The following PDE3A variants were observed in gnomAD, a reference collection of about 807,000 sequenced individuals.
The protein encoded by PDE3A is phosphodiesterase 3A, also known as cGMP-inhibited 3',5'-cyclic phosphodiesterase 3A.
Under a neutral mutation model 98.3 loss-of-function variants are expected in PDE3A, and 43 were observed. The ratio of observed to expected loss-of-function variants is 0.44; its 90% CI spans 0.34 to 0.56. PDE3A has a LOEUF of 0.56. PDE3A is among the 20% of genes least tolerant of loss of function. PDE3A has a pLI of 0.01. For synonymous variants in PDE3A, 663 were observed against 567.9 expected, an observed-to-expected ratio of 1.17 and a Z score of -2.38; for missense variants, 1,427 against 1,440.7, an observed-to-expected ratio of 0.99 and a Z score of 0.15.
At chr12:20,579,702 G>A (rs1943020806) in intron 2 of PDE3A, among the ~76,000 whole-genome samples, 1 of 152,158 alleles carries the variant, frequency 6.6e-6, no homozygotes, top group Non-Finnish European at 1.5e-5. Context: ...ATACTTCACA[G>A]CAACAGCCCA....
chr12:20,630,881 A>G lies in PDE3A; in HGVS notation c.1760+754A>G, dbSNP rs112486634. Among the ~76,000 whole-genome samples the G allele has an allele frequency of 3.3e-5, 5 of 152,302 alleles. 1 individual carries two copies. Among genetic ancestry groups the G allele is most frequent in the African/African-American group, 1.2e-4 (5 of 41,582 alleles). Reference sequence around the variant, plus strand: ...GTTTTTAACTATGAGAGTACCTTGAATAAAACAGTATTTCATTTCTGAGGT... The same window carrying G: ...GTTTTTAACTATGAGAGTACCTTGAGTAAAACAGTATTTCATTTCTGAGGT... On this transcript the variant is annotated intron_variant, in intron 6 of 15. Coordinates refer to ENST00000359062, the MANE Select transcript of PDE3A (RefSeq NM_000921.5).
intron 7 of PDE3A, among the ~76,000 whole-genome samples, chr12:20,634,552 C>T (rs1592133320): frequency 2.6e-5 from 4 of 152,010 alleles, no homozygotes; most frequent in East Asian, 3.9e-4. Context: ...CTCACGTGCC[C>T]GTTCTAGAGT....
intron 1 of PDE3A, among the ~76,000 whole-genome samples, chr12:20,403,437 C>T (rs954803157): frequency 3.3e-5 from 5 of 152,102 alleles, no homozygotes; most frequent in African/African-American, 4.8e-5. Flanking sequence ...TATTTATTCA[C>T]AGTTGTAGTC....
At chr12:20,535,378 T>A (rs76992475) in intron 1 of PDE3A, among the ~76,000 whole-genome samples, 1,550 of 152,284 alleles carry the variant, frequency 0.01, 33 homozygotes, top group African/African-American at 0.035. Context: ...CCCATTCATA[T>A]GTGGAGGAAT....
intron 8 of PDE3A, among the ~76,000 whole-genome samples, chr12:20,636,293 C>G (rs1219751591): frequency 6.6e-6 from 1 of 152,130 alleles, no homozygotes; most frequent in African/African-American, 2.4e-5. Context: ...TGGTAGAAAA[C>G]TGTTGACTCT....
At chr12:20,411,420 C>T (rs1944330477) in intron 1 of PDE3A, among the ~76,000 whole-genome samples, 1 of 152,038 alleles carries the variant, frequency 6.6e-6, no homozygotes, top group African/African-American at 2.4e-5. Flanking sequence ...TTGTGACTAG[C>T]TTATTTTACT....
rs951830049 is a variant in PDE3A, at chr12:20,489,192, A to G, written c.961-67468A>G. ...TTTCTCTTAGTCATTTCTTTCCTTC[A>G]TTAAGGACTTCGTATTTTATTTTCA... On this transcript the variant is annotated intron_variant, in intron 1 of 15. Transcript: ENST00000359062. Among the ~76,000 whole-genome samples, 32 of 152,246 alleles carry G rather than the reference A, an allele frequency of 2.1e-4. No homozygotes were observed. The Middle Eastern group carries it at 0.01, about 49-fold the overall frequency.
At chr12:20,640,512 CAT>C (rs1053083055) in intron 10 of PDE3A, among the ~76,000 whole-genome samples, 1 of 151,842 alleles carries the variant, frequency 6.6e-6, no homozygotes, top group Non-Finnish European at 1.5e-5. Context: ...ATAGAAAAGA[CAT>C]ATGGAAGTGG....
chr12:20,496,598 G>T (rs535589833), intron 1 of PDE3A, among the ~76,000 whole-genome samples: 11 of 151,416 alleles, frequency 7.3e-5, no homozygotes, highest in Admixed American at 5.3e-4. Context: ...TCCATACTAA[G>T]AATTTATTTT....
rs142207520 is a variant in PDE3A at position 20,678,097 on chromosome 12, T to G, written c.3185-1933T>G. Among the ~76,000 whole-genome samples, 28 of 152,242 alleles carry G rather than the reference T, an allele frequency of 1.8e-4. 1 individual carries two copies. The East Asian group carries it at 5.2e-3, about 29-fold the overall frequency. ...CTCTGAAGCAATGCCATCACATGAT[T>G]TCCAGGCAGCTCTCTGTATCAGTTT... On this transcript the variant is annotated intron_variant, in intron 15 of 15. Transcript: ENST00000359062.
intron 1 of PDE3A, among the ~76,000 whole-genome samples, chr12:20,438,779 A>G (rs1395428815): frequency 7.0e-6 from 1 of 142,250 alleles, no homozygotes; most frequent in Non-Finnish European, 1.5e-5. Context: ...TTTTTTTTTG[A>G]GATGGAGTCT....
At position 20,616,502 on chromosome 12, in the gene PDE3A, A is replaced by G. The variant is rs1944011334; in HGVS notation, c.1424+118A>G. The G allele has an allele frequency of 9.2e-6, 8 of 871,976 alleles. No homozygotes were observed. In the East Asian group the frequency reaches 2.1e-4, roughly 23 times the overall value. 54.0% of individuals were successfully genotyped at this position (871,976 alleles called of 1,614,324 possible). On this transcript the variant is annotated intron_variant, in intron 4 of 15. Transcript: ENST00000359062. ...TACATTTGGTTGGAGGTCAGCTTTG[A>G]AGATGGAAAGGGTACATGGTTCAAA... is the stretch of plus-strand genomic sequence containing the variant.
chr12:20,610,243 C>CAGACAT (rs1338055905), intron 2 of PDE3A, among the ~76,000 whole-genome samples: 34 of 152,066 alleles, frequency 2.2e-4, no homozygotes, highest in Non-Finnish European at 3.1e-4. Context: ...AGGACATGAA[C>CAGACAT]AGACATTTCT....
chr12:20,370,225 C>T lies in PDE3A; in HGVS notation c.941C>T (p.Pro314Leu). Residue 314 changes from proline to leucine, a missense_variant, in exon 1 of 16, where the codon CCC (proline) becomes CTC (leucine). By Grantham distance (98) the Pro-to-Leu change is moderately conservative. This residue lies in a region of PDE3A where 1,012 missense variants were observed against 886.5 expected (regional missense o/e 1.14). Coordinates refer to ENST00000359062, the MANE Select transcript of PDE3A (RefSeq NM_000921.5). ...SSKSHRRTSLPCIPREQLMGH... is the reference protein window; with the variant it reads ...SSKSHRRTSLLCIPREQLMGH... ...AAGTCCCATCGGAGGACCTCCCTGC[C>T]CTGTATACCGAGGGAACAGGTAAGC... 2 of 1,572,176 alleles carry T rather than the reference C, an allele frequency of 1.3e-6. No individual in the cohort carries two copies. The highest frequency in any genetic ancestry group is 1.7e-6 in the Non-Finnish European group (2 of 1,162,120).
chr12:20,448,638 G>T (rs1054248929), intron 1 of PDE3A, among the ~76,000 whole-genome samples: 1 of 151,928 alleles, frequency 6.6e-6, no homozygotes, highest in African/African-American at 2.4e-5. Flanking sequence ...ATGAATGCAG[G>T]CACTTACCTA....
chr12:20,559,747 A>G (rs1297982893), intron 2 of PDE3A, among the ~76,000 whole-genome samples: 2 of 152,060 alleles, frequency 1.3e-5, no homozygotes, highest in Non-Finnish European at 2.9e-5. Context: ...CTAGTAGACT[A>G]GGAAATACCT....
chr12:20,548,702 A>G (rs1480872999), intron 1 of PDE3A, among the ~76,000 whole-genome samples: 3 of 152,140 alleles, frequency 2.0e-5, no homozygotes, highest in African/African-American at 4.8e-5. Context: ...GTCAAAATGA[A>G]TTATTTTGCA....
intron 1 of PDE3A, among the ~76,000 whole-genome samples, chr12:20,437,608 G>A (rs1237791232): frequency 2.0e-5 from 3 of 152,056 alleles, no homozygotes; most frequent in Admixed American, 6.6e-5. Context: ...AGTGAACACC[G>A]GGAGGGTGCC....
chr12:20,443,455 A>T (rs1446088343), intron 1 of PDE3A, among the ~76,000 whole-genome samples: 2 of 152,194 alleles, frequency 1.3e-5, no homozygotes, highest in Non-Finnish European at 2.9e-5. Context: ...TTTTAGAATG[A>T]ATGATGACTG....
Sources: allele counts gnomAD v4.1 joint callset (sites outside exome capture counted in the v4.1 genomes callset), GRCh38; gene constraint gnomAD v4.1.1; regional missense constraint gnomAD v4.1.1; transcripts MANE v1.5; gene names NCBI Gene and HGNC (gene_info 2026-07-23, HGNC 2026-07-21).